Variants in GOLGA3 observed in about 807,000 individuals in gnomAD.
The protein encoded by GOLGA3 is golgin subfamily A member 3.
A neutral mutation model predicts 169.4 loss-of-function variants in GOLGA3; 75 were observed. That is an observed-to-expected ratio of 0.44 (90% CI 0.37 to 0.54). The LOEUF (loss-of-function observed/expected upper bound fraction) is 0.54, where lower values mean the gene tolerates loss of function less well. Ranked by LOEUF, GOLGA3 falls within the 20% of genes least tolerant of loss-of-function variation. The pLI is 0.00. For missense variants in GOLGA3, 1,899 were observed against 1,930.0 expected (o/e 0.98, Z 0.30); for synonymous variants, 824 against 822.4 (o/e 1.00, Z -0.03).
rs779283096 is a variant in GOLGA3, at chr12:132,772,674, G to A, written c.*431C>T. On this transcript the variant is annotated 3_prime_UTR_variant, in exon 24 of 24. Transcript: ENST00000450791. ...GGTACAGATAAAATTTCATTTCTGC[G>A]GAAAAGTAAAGCTCTTACTGAATGG... 1.4e-3 allele frequency: 216 copies of A among 157,028 alleles called. 3 individuals carry two copies. The highest frequency in any genetic ancestry group is 7.4e-4 in the African/African-American group (31 of 41,634). The allele number at this position is 157,028 out of a possible 1,614,324, so 9.7% of individuals were successfully genotyped here.
Position 132,820,440 on chromosome 12 carries a change from G to C in GOLGA3, c.133+1556C>G, listed in dbSNP as rs149778384. On this transcript the variant is annotated intron_variant, in intron 2 of 23. Transcript: ENST00000450791. ...CATTGCTCCTGAGCAGCAGATCTAA[G>C]AGCAGGTTCCACGGCCGCGGGTCTC... is the stretch of plus-strand genomic sequence containing the variant. Among the ~76,000 whole-genome samples, 733 of 152,316 alleles carry C rather than the reference G, an allele frequency of 4.8e-3. 3 individuals carry two copies. The highest frequency in any genetic ancestry group is 0.017 in the African/African-American group (692 of 41,550).
rs34381645 is a variant in GOLGA3, at chr12:132,772,543, C to CAAAAAAAAAAAAAAAAAAAAAAAAAAAA, written c.*561_*562insTTTTTTTTTTTTTTTTTTTTTTTTTTTT. ...TGGGCAACAAAGCGAGACTCTGTCTCAAAAAAAAAAAAAAAAAAAAAACAA... is the reference window on the plus strand; with the variant it reads ...TGGGCAACAAAGCGAGACTCTGTCTCAAAAAAAAAAAAAAAAAAAAAAAAAAAAAAAAAAAAAAAAAAAAAAAAAACAA... On this transcript the variant is annotated 3_prime_UTR_variant, in exon 24 of 24. Coordinates refer to ENST00000450791, the MANE Select transcript of GOLGA3 (RefSeq NM_001389683.1). The CAAAAAAAAAAAAAAAAAAAAAAAAAAAA allele has an allele frequency of 1.2e-5, 1 of 86,162 alleles. No homozygotes were observed. Among genetic ancestry groups the CAAAAAAAAAAAAAAAAAAAAAAAAAAAA allele is most frequent in the Non-Finnish European group, 2.1e-5 (1 of 47,676 alleles). 5.3% of individuals were successfully genotyped at this position (86,162 alleles called of 1,614,324 possible).
rs1329799204 is a variant in GOLGA3, at chr12:132,770,552, C to T, written c.*2553G>A. The T allele has an allele frequency of 1.3e-5, 2 of 148,736 alleles. No individual in the cohort carries two copies. The highest frequency in any genetic ancestry group is 3.0e-5 in the Non-Finnish European group (2 of 67,628). 9.2% of individuals were successfully genotyped at this position (148,736 alleles called of 1,614,324 possible). On this transcript the variant is annotated 3_prime_UTR_variant, in exon 24 of 24. Coordinates refer to ENST00000450791, the MANE Select transcript of GOLGA3 (RefSeq NM_001389683.1). ...AAGAGAAAAAAAAATACATGGTGAA[C>T]ATCACTCACTTGAGGACTTCCCATA...
rs2044957283 is a variant in GOLGA3, at chr12:132,772,564, A to AAAAAAAAAG, written c.*540_*541insCTTTTTTTT. The AAAAAAAAAG allele has an allele frequency of 6.6e-6, 1 of 150,748 alleles. No homozygotes were observed. Among genetic ancestry groups the AAAAAAAAAG allele is most frequent in the African/African-American group, 2.4e-5 (1 of 40,894 alleles). The allele number at this position is 150,748 out of a possible 1,614,324, so 9.3% of individuals were successfully genotyped here. A position where few individuals can be genotyped will look rare whatever the true frequency, so the allele number is the denominator to read the frequency against. ...GTCTCAAAAAAAAAAAAAAAAAAAA[A>AAAAAAAAAG]ACAAAGATTGGATTATGATATTCAG... On this transcript the variant is annotated 3_prime_UTR_variant, in exon 24 of 24. Coordinates refer to ENST00000450791, the MANE Select transcript of GOLGA3 (RefSeq NM_001389683.1).
chr12:132,796,948 G>C (rs188537715), intron 9 of GOLGA3, among the ~76,000 whole-genome samples: 112 of 152,308 alleles, frequency 7.4e-4, no homozygotes, highest in African/African-American at 2.5e-3. Flanking sequence ...CTGGTGAGCA[G>C]AGCCTCCCCG....
intron 15 of GOLGA3, among the ~76,000 whole-genome samples, chr12:132,785,797 T>C (rs1272518763): frequency 6.6e-6 from 1 of 152,218 alleles, no homozygotes; most frequent in Non-Finnish European, 1.5e-5. Flanking sequence ...ATGTTATGCC[T>C]ACCACGAAAG....
intron 6 of GOLGA3, 38 bp downstream of exon 6, chr12:132,807,139 T>A: frequency 7.7e-7 from 1 of 1,290,476 alleles, no homozygotes; most frequent in Non-Finnish European, 1.1e-6. Context: ...GCTTTCCGAC[T>A]TCGCCGCACG....
rs1483854731 is a variant in GOLGA3 at position 132,771,500 on chromosome 12, G to A, written c.*1605C>T. ...CAGTGTCTGCAGGGTTTCAGGATTT[G>A]GGGTAGGAAACAGAAGATCTCACAC... On this transcript the variant is annotated 3_prime_UTR_variant, in exon 24 of 24. Transcript: ENST00000450791. The A allele has an allele frequency of 1.3e-5, 2 of 152,162 alleles. No homozygotes were observed. Among genetic ancestry groups the A allele is most frequent in the Non-Finnish European group, 2.9e-5 (2 of 68,040 alleles). 9.4% of individuals were successfully genotyped at this position (152,162 alleles called of 1,614,324 possible).
At chr12:132,823,275 C>G (rs961711176) in intron 1 of GOLGA3, among the ~76,000 whole-genome samples, 2 of 152,238 alleles carry the variant, frequency 1.3e-5, no homozygotes, top group Non-Finnish European at 1.5e-5. Flanking sequence ...GATTATCCAC[C>G]CTGAAATGTG....
intron 7 of GOLGA3, 71 bp from the exon 8 acceptor site, chr12:132,802,040 G>A (rs762996125): frequency 2.3e-4 from 284 of 1,208,878 alleles, no homozygotes; most frequent in Middle Eastern, 5.1e-4. Context: ...CCGCGCGTGC[G>A]GGACACAAGG....
At position 132,777,904 on chromosome 12, in the gene GOLGA3, T is replaced by C. The variant is rs1428516465; in HGVS notation, c.3583-99A>G. 2.3e-6 allele frequency: 3 copies of C among 1,310,358 alleles called. No homozygotes were observed. The highest frequency in any genetic ancestry group is 3.1e-6 in the Non-Finnish European group (3 of 957,290). 81.2% of individuals were successfully genotyped at this position (1,310,358 alleles called of 1,614,324 possible). A position where few individuals can be genotyped will look rare whatever the true frequency, so the allele number is the denominator to read the frequency against. ...GTGAATGCACTCCCGGCCCCGTGCA[T>C]GTCCTGGCTGCCGGCGTGTGCTTCT... is the stretch of plus-strand genomic sequence containing the variant. On this transcript the variant is annotated intron_variant, in intron 18 of 23. Coordinates refer to ENST00000450791, the MANE Select transcript of GOLGA3 (RefSeq NM_001389683.1). This position sits in a 1 kb window ranked among gnomAD's most constrained non-coding sequence, Gnocchi z 4.7.
rs774410557 is a variant in GOLGA3 at position 132,786,700 on chromosome 12, C to T, written c.2899G>A (p.Ala967Thr). ...KKQIEELQQE[A>T]RKAITEQKQK... ...GGGCACATGCAGACTTACTTCCGGG[C>T]CTCTTGCTGCAACTCTTCGATTTGT... Residue 967 changes from alanine to threonine, a missense_variant, in exon 14 of 24, where the codon GCC becomes ACC. By Grantham distance (58) the Ala-to-Thr change is moderately conservative (BLOSUM62 0). Coordinates refer to ENST00000450791, the MANE Select transcript of GOLGA3 (RefSeq NM_001389683.1). 1 of 1,528,556 alleles carries T rather than the reference C, an allele frequency of 6.5e-7. No homozygotes were observed. The highest frequency in any genetic ancestry group is 8.8e-7 in the Non-Finnish European group (1 of 1,130,546). The allele number at this position is 1,528,556 out of a possible 1,614,324, so 94.7% of individuals were successfully genotyped here. A position where few individuals can be genotyped will look rare whatever the true frequency, so the allele number is the denominator to read the frequency against.
intron 5 of GOLGA3, 132 bp downstream of exon 5, chr12:132,807,759 T>TTCC: frequency 1.3e-5 from 6 of 448,530 alleles, no homozygotes; most frequent in South Asian, 7.8e-5. Context: ...TGCCCGTCTC[T>TTCC]GCCCACCCCG....
chr12:132,782,934 A>C (rs1286597348), intron 16 of GOLGA3, among the ~76,000 whole-genome samples: 1 of 151,662 alleles, frequency 6.6e-6, no homozygotes, highest in African/African-American at 2.4e-5. Flanking sequence ...AAAACACAGC[A>C]ATGGGCTGGA....
Position 132,810,430 on chromosome 12 carries a change from A to T in GOLGA3, c.520-1881T>A, listed in dbSNP as rs189207174. Among the ~76,000 whole-genome samples, 479 of 152,318 alleles carry T rather than the reference A, an allele frequency of 3.1e-3. 1 individual carries two copies. The highest frequency in any genetic ancestry group is 0.01 in the African/African-American group (434 of 41,566). On this transcript the variant is annotated intron_variant, in intron 4 of 23. Coordinates refer to ENST00000450791, the MANE Select transcript of GOLGA3 (RefSeq NM_001389683.1). ...AGTATAATAAAGTATATAAAATAAG[A>T]ATAGTTATACCAGATATAGATCTTA...
intron 3 of GOLGA3, among the ~76,000 whole-genome samples, chr12:132,814,377 A>G (rs917538189): frequency 6.6e-6 from 1 of 152,166 alleles, no homozygotes; most frequent in Non-Finnish European, 1.5e-5. Context: ...AGCCGTGCCG[A>G]GCACTCTGAG....
At chr12:132,822,371 C>T (rs1950255228) in intron 1 of GOLGA3, 60 bp from the exon 2 acceptor site, 4 of 986,230 alleles carry the variant, frequency 4.1e-6, no homozygotes, top group Admixed American at 4.2e-5. Context: ...GTATCAATTA[C>T]AAAATTAGCA....
rs200819583 is a variant in GOLGA3, at chr12:132,777,779, C to T, written c.3609G>A (p.Gly1203=). The T allele has an allele frequency of 1.4e-4, 228 of 1,613,522 alleles. No individual in the cohort carries two copies. The highest frequency in any genetic ancestry group is 6.6e-4 in the Middle Eastern group (4 of 6,060). Residue 1203 remains glycine, a synonymous_variant, in exon 19 of 24, where the codon GGG becomes GGA. Transcript: ENST00000450791. This position sits in a 1 kb window ranked among gnomAD's most constrained non-coding sequence, Gnocchi z 4.7. ...CCGCCTTGAAGTGGCGGCGGTTATG[C>T]CCGGCTTCCACCTTGGCAGCAGCCA... ...EQVAAAKVEA[G]HNRRHFKAAS... is the part of the protein sequence containing the mutation.
Position 132,773,179 on chromosome 12 carries a change from C to T in GOLGA3, c.4423G>A (p.Gly1475Ser), listed in dbSNP as rs370553580. The T allele has an allele frequency of 1.3e-6, 2 of 1,586,298 alleles. No individual in the cohort carries two copies. The highest frequency in any genetic ancestry group is 1.7e-6 in the Non-Finnish European group (2 of 1,165,694). The change falls in exon 24 of 24, where the codon GGT (glycine) becomes AGT (serine). Residue 1475 changes from glycine to serine, a missense_variant. Gly to Ser is a moderately conservative substitution (Grantham distance 56). Transcript: ENST00000450791. ...GGGTCGCCGCGTGGGCCGGCGTGAC[C>T]CCCCGGGGGCACAGGGCTGGCAGTG... Reference protein sequence around the residue: ...PATASPVPPGGHAGPRGDPQR... With the variant: ...PATASPVPPGSHAGPRGDPQR...
Sources: gnomAD v4.1 joint callset for allele counts (sites outside exome capture counted in the v4.1 genomes callset) on GRCh38, gnomAD v4.1.1 for gene constraint, Gnocchi (gnomAD v3.1) non-coding constraint, MANE v1.5 for transcripts, NCBI Gene and HGNC (gene_info 2026-07-23, HGNC 2026-07-21) for gene names.